THUMPD2: variants seen among roughly 807,000 people sequenced by gnomAD.
THUMPD2 encodes THUMP domain 2 tRNA and snRNA guanosine methyltransferase.
A neutral mutation model predicts 49.4 loss-of-function variants in THUMPD2; 56 were observed. That is an observed-to-expected ratio of 1.13 (90% confidence interval 0.91 to 1.41). The LOEUF (loss-of-function observed/expected upper bound fraction) is 1.41. Among genes scored for constraint, THUMPD2 ranks in the 40% most tolerant of loss-of-function variants. The pLI is 0.00. For missense variants in THUMPD2, 709 were observed against 594.5 expected (o/e 1.19, Z -2.00); for synonymous variants, 237 against 205.2 (o/e 1.15, Z -1.32).
chr2:39,774,107 GGTGT>G (rs1172670765), intron 1 of THUMPD2, among the ~76,000 whole-genome samples: 1 of 152,208 alleles, frequency 6.6e-6, no homozygotes, highest in South Asian at 2.1e-4. Context: ...AGTAAATGTG[GGTGT>G]GTGTGAGTGT....
intron 6 of THUMPD2, among the ~76,000 whole-genome samples, chr2:39,756,963 G>GA (rs1676224118): frequency 1.5e-5 from 2 of 134,080 alleles, no homozygotes; most frequent in Non-Finnish European, 3.2e-5. Context: ...AAAAAAAAAA[G>GA]AAACTGAGAT....
At chr2:39,756,307 G>C (rs1676113198) in intron 6 of THUMPD2, among the ~76,000 whole-genome samples, 1 of 152,040 alleles carries the variant, frequency 6.6e-6, no homozygotes, top group African/African-American at 2.4e-5. Context: ...TATGCTGGTA[G>C]ACTTGGTGAG....
At chr2:39,773,040 C>T (rs573865499) in intron 1 of THUMPD2, among the ~76,000 whole-genome samples, 1 of 152,082 alleles carries the variant, frequency 6.6e-6, no homozygotes, top group African/African-American at 2.4e-5. Flanking sequence ...TGGGAGGAAG[C>T]AGGGAATGAA....
intron 5 of THUMPD2, among the ~76,000 whole-genome samples, chr2:39,764,044 T>C (rs1677184131): frequency 6.6e-6 from 1 of 152,240 alleles, no homozygotes; most frequent in Non-Finnish European, 1.5e-5. Context: ...TAATACCCTT[T>C]CCTTCTCTTC....
At chr2:39,757,484 A>T in intron 6 of THUMPD2, 1 of 1,127,190 alleles carries the variant, frequency 8.9e-7, no homozygotes, top group Non-Finnish European at 1.2e-6. Flanking sequence ...CAGAAGGAAA[A>T]ATTTAAATGC....
At chr2:39,746,148 G>C (rs1000700925) in intron 8 of THUMPD2, among the ~76,000 whole-genome samples, 11 of 152,120 alleles carry the variant, frequency 7.2e-5, no homozygotes, top group Admixed American at 3.3e-4. Context: ...GATGTAAATG[G>C]GAGATGACAG....
intron 5 of THUMPD2, among the ~76,000 whole-genome samples, chr2:39,765,085 A>G (rs1036117261): frequency 6.6e-5 from 10 of 152,206 alleles, no homozygotes; most frequent in African/African-American, 2.4e-4. Context: ...TAATTTAAAA[A>G]TGAGTTATTT....
intron 4 of THUMPD2, among the ~76,000 whole-genome samples, chr2:39,767,603 C>CAAAAAAAAAAAAAAAAAAAAAAAAA (rs57906396): frequency 1.5e-5 from 1 of 67,842 alleles, no homozygotes; most frequent in African/African-American, 7.7e-5. Flanking sequence ...GACTCCGTCT[C>CAAAAAAAAAAAAAAAAAAAAAAAAA]AAAAAAAAAA....
chr2:39,744,112 T>G (rs575508060), intron 9 of THUMPD2, among the ~76,000 whole-genome samples: 2 of 151,756 alleles, frequency 1.3e-5, no homozygotes, highest in African/African-American at 4.8e-5. Flanking sequence ...GACTGAAATA[T>G]AGGTCACTAT....
At chr2:39,757,514 T>A in intron 6 of THUMPD2, 1 of 819,552 alleles carries the variant, frequency 1.2e-6, no homozygotes, top group South Asian at 1.7e-5. Context: ...TGAAAATTGT[T>A]AATAGCATGA....
intron 4 of THUMPD2, among the ~76,000 whole-genome samples, chr2:39,767,822 AC>A (rs1677756648): frequency 6.6e-6 from 1 of 152,256 alleles, no homozygotes; most frequent in Non-Finnish European, 1.5e-5. Context: ...CTCCATTTAA[AC>A]CTACATAACA....
Position 39,736,737 on chromosome 2 carries a change from A to G in THUMPD2, c.1510T>C (p.Ter504GlnextTer52). The change falls in exon 10 of 10, where the codon TAG (stop) becomes CAG (glutamine). Residue 504 changes from the stop codon to glutamine (Q), a stop_lost. Coordinates refer to ENST00000505747, the MANE Select transcript of THUMPD2 (RefSeq NM_025264.5). ...CCCGGCTGATGGCAGCAAGCCTGCTACAGTCCAGAAGAGTGCGACTTCTTA... is the reference window on the plus strand; with the variant it reads ...CCCGGCTGATGGCAGCAAGCCTGCTGCAGTCCAGAAGAGTGCGACTTCTTA... Reference protein sequence around the residue: ...KYKKSHSSGL* With the variant: ...KYKKSHSSGLQ 1 of 1,610,908 alleles carries G rather than the reference A, an allele frequency of 6.2e-7. No homozygotes were observed. The highest frequency in any genetic ancestry group is 1.1e-5 in the South Asian group (1 of 90,856).
intron 8 of THUMPD2, among the ~76,000 whole-genome samples, chr2:39,753,948 C>A (rs754277888): frequency 6.6e-6 from 1 of 152,144 alleles, no homozygotes; most frequent in Non-Finnish European, 1.5e-5. Flanking sequence ...CCACAGAGAA[C>A]CTTTAAAAAG....
chr2:39,769,152 T>G, intron 3 of THUMPD2: 1 of 1,216,214 alleles, frequency 8.2e-7, no homozygotes. Context: ...CCCCAAAAGC[T>G]GAGGACTATG....
chr2:39,779,185 AG>A lies in THUMPD2; in HGVS notation c.54del (p.Phe19SerfsTer12), dbSNP rs778414201. The A allele has an allele frequency of 6.6e-7, 1 of 1,519,060 alleles. No homozygotes were observed. Among genetic ancestry groups the A allele is most frequent in the Non-Finnish European group, 8.8e-7 (1 of 1,138,858 alleles). The allele number at this position is 1,519,060 out of a possible 1,614,324, so 94.1% of individuals were successfully genotyped here. Reference protein sequence around the residue: ...PGSGPEAGARFFCTAGRGLEP... With the variant: ...PGSGPEAGARXFCTAGRGLEP... ...TCCAGGCCGCGACCCGCAGTGCAGA[AG>A]AATCGGGCGCCAGCCTCAGGCCCGG... On this transcript the variant is annotated frameshift_variant, in exon 1 of 10. Transcript: ENST00000505747. LOFTEE classifies it high-confidence loss of function.
intron 6 of THUMPD2, among the ~76,000 whole-genome samples, chr2:39,758,168 T>C (rs562160462): frequency 6.6e-6 from 1 of 152,226 alleles, no homozygotes; most frequent in South Asian, 2.1e-4. Flanking sequence ...TTCAAATGTG[T>C]AGGTGATTAT....
At chr2:39,772,958 G>A (rs574525007) in intron 1 of THUMPD2, among the ~76,000 whole-genome samples, 1 of 152,136 alleles carries the variant, frequency 6.6e-6, no homozygotes, top group Non-Finnish European at 1.5e-5. Flanking sequence ...TGCTAGATTG[G>A]CACAGTTAAA....
At chr2:39,745,237 T>C (rs559681806) in intron 8 of THUMPD2, among the ~76,000 whole-genome samples, 1 of 152,292 alleles carries the variant, frequency 6.6e-6, no homozygotes, top group African/African-American at 2.4e-5. Flanking sequence ...TTTGCAGAAA[T>C]GTAATGAAAT....
intron 1 of THUMPD2, among the ~76,000 whole-genome samples, chr2:39,777,646 G>T (rs939756256): frequency 1.3e-5 from 2 of 152,192 alleles, no homozygotes; most frequent in African/African-American, 4.8e-5. Flanking sequence ...AGCAACTTGG[G>T]TGGAATTTCA....
Sources: allele counts gnomAD v4.1 joint callset (sites outside exome capture counted in the v4.1 genomes callset), GRCh38; gene constraint gnomAD v4.1.1; transcripts MANE v1.5; gene names NCBI Gene and HGNC (gene_info 2026-07-23, HGNC 2026-07-21).